Variants in ZNF606 observed in about 807,000 individuals in gnomAD.
ZNF606 encodes zinc finger protein 606, also known as zinc finger protein 328.
In ZNF606, 37 loss-of-function variants were observed where a neutral mutation model predicts 74.9. The observed-to-expected ratio is 0.49, with a 90% CI of 0.38 to 0.65. The LOEUF (loss-of-function observed/expected upper bound fraction) is 0.65, where lower values mean the gene tolerates loss of function less well. ZNF606 is among the 30% of genes least tolerant of loss of function. The probability of loss-of-function intolerance (pLI) is 0.00; values close to 1 mark genes in which losing one functional copy is unlikely to be tolerated. For synonymous variants in ZNF606, 328 were observed against 312.4 expected (o/e 1.05, Z -0.53); for missense variants, 852 against 952.9 (o/e 0.89, Z 1.39).
intron 4 of ZNF606, among the ~76,000 whole-genome samples, chr19:57,992,385 C>G (rs182614234): frequency 1.0e-3 from 155 of 152,272 alleles, no homozygotes; most frequent in African/African-American, 3.6e-3. Context: ...ATCAAAAATA[C>G]CAAATGAATC....
chr19:57,984,531 G>A lies in ZNF606; in HGVS notation c.400+3676C>T, dbSNP rs545203068. Among the ~76,000 whole-genome samples, 6 of 152,356 alleles carry A rather than the reference G, an allele frequency of 3.9e-5. 1 individual carries two copies. In the South Asian group the frequency reaches 1.0e-3, roughly 26 times the overall value. Reference sequence around the variant, plus strand: ...CAACTTCAGGACTCAAGAAGAGGCTGTGGCACATTGCCAAAAATAATAAGA... The same window carrying A: ...CAACTTCAGGACTCAAGAAGAGGCTATGGCACATTGCCAAAAATAATAAGA... On this transcript the variant is annotated intron_variant, in intron 6 of 6. Transcript: ENST00000551380.
intron 2 of ZNF606, 133 bp from the exon 3 acceptor site, chr19:58,000,872 A>G (rs1216702499): frequency 1.3e-6 from 1 of 780,218 alleles, no homozygotes; most frequent in African/African-American, 1.7e-5. Context: ...TGTAAAAAAA[A>G]TGCAACATAA....
Position 57,978,156 on chromosome 19 carries a change from T to C in ZNF606, c.*145A>G, listed in dbSNP as rs1325725729. Reference sequence around the variant, plus strand: ...TTCCCTATTCTTTTCCTTCATGGGGTTTCTTCTAAGATGATATTTTCTAGT... The same window carrying C: ...TTCCCTATTCTTTTCCTTCATGGGGCTTCTTCTAAGATGATATTTTCTAGT... On this transcript the variant is annotated 3_prime_UTR_variant, in exon 7 of 7. Coordinates refer to ENST00000551380, the MANE Select transcript of ZNF606 (RefSeq NM_001348022.3). The surrounding 1 kb of genome is among the most constrained non-coding windows in gnomAD (Gnocchi z 4.4). The C allele has an allele frequency of 1.2e-6, 1 of 801,506 alleles. No individual in the cohort carries two copies. The highest frequency in any genetic ancestry group is 1.8e-6 in the Non-Finnish European group (1 of 544,972). The allele number at this position is 801,506 out of a possible 1,614,324, so 49.6% of individuals were successfully genotyped here.
Position 57,979,792 on chromosome 19 carries a change from T to C in ZNF606, c.888A>G (p.Lys296=). The C allele has an allele frequency of 2.5e-6, 4 of 1,613,444 alleles. No homozygotes were observed. Among genetic ancestry groups the C allele is most frequent in the Non-Finnish European group, 3.4e-6 (4 of 1,180,004 alleles). The change falls in exon 7 of 7, where the codon AAA becomes AAG. Residue 296 remains lysine (K), a synonymous_variant. Transcript: ENST00000551380. ...CAAAATGTATTATATGATTGAAAGA[T>C]TTAACAGCATCAGTACATTTGAAAA... is the stretch of plus-strand genomic sequence containing the variant. The part of the protein sequence containing the change: ...DNLFKCTDAV[K]SFNHIIHFGD...
In ZNF606 at chr19:57,978,538, C is replaced by T; in HGVS notation, c.2142G>A (p.Gly714=). 1 of 1,614,082 alleles carries T rather than the reference C, an allele frequency of 6.2e-7. No individual in the cohort carries two copies. The highest frequency in any genetic ancestry group is 2.2e-5 in the East Asian group (1 of 44,874). The change falls in exon 7 of 7, where the codon GGG becomes GGA. Residue 714 remains glycine, a synonymous_variant. Transcript: ENST00000551380. The surrounding 1 kb of genome is among the most constrained non-coding windows in gnomAD (Gnocchi z 4.4). ...GGGATGAACTCTCATTAAATGCTTT[C>T]CCACATTCATTACACCTGTATGGTT... ...GEKPYRCNEC[G]KAFNESSSLI...
rs61690352 is a variant in ZNF606, at chr19:57,979,327, A to T, written c.1353T>A (p.Thr451=). The T allele has an allele frequency of 4.5e-3, 7,212 of 1,613,688 alleles. 275 individuals carry two copies. The African/African-American group carries it at 0.085, about 19-fold the overall frequency. ...TATTACATTCATAGGGTTTTATTCC[A>T]GTGTGAGTCCGTTCATGTTTCGTAA... is the stretch of plus-strand genomic sequence containing the variant. The part of the protein sequence containing the change: ...SALTKHERTH[T]GIKPYECNKC... Residue 451 remains threonine (T), a synonymous_variant, in exon 7 of 7, where the codon ACT becomes ACA. Coordinates refer to ENST00000551380, the MANE Select transcript of ZNF606 (RefSeq NM_001348022.3).
chr19:57,984,162 G>A (rs755368948), intron 6 of ZNF606, among the ~76,000 whole-genome samples: 4 of 152,208 alleles, frequency 2.6e-5, no homozygotes, highest in African/African-American at 7.2e-5. Context: ...AGAGGAAAGA[G>A]CTCGAAGTCA....
chr19:58,002,090 G>A (rs1018312434), intron 1 of ZNF606: 5 of 440,090 alleles, frequency 1.1e-5, no homozygotes, highest in African/African-American at 1.0e-4. Context: ...AGGAGCACCG[G>A]AATCAGCGCG....
chr19:58,002,161 C>T (rs976081409), intron 1 of ZNF606: 1 of 456,706 alleles, frequency 2.2e-6, no homozygotes, highest in Non-Finnish European at 4.4e-6. Flanking sequence ...TGACCGCCGC[C>T]GTCACTGCAT....
chr19:57,978,391 G>C lies in ZNF606; in HGVS notation c.2289C>G (p.Arg763=), dbSNP rs1434672295. The C allele has an allele frequency of 6.2e-7, 1 of 1,613,256 alleles. No homozygotes were observed. The highest frequency in any genetic ancestry group is 8.5e-7 in the Non-Finnish European group (1 of 1,179,382). Residue 763 remains arginine, a synonymous_variant, in exon 7 of 7, where the codon CGC becomes CGG. Transcript: ENST00000551380. This position sits in a 1 kb window ranked among gnomAD's most constrained non-coding sequence, Gnocchi z 4.4. ...IHQRMHSGEK[R]FICSECGKAF... ...CTTTTCCACATTCACTGCATATAAA[G>C]CGTTTCTCTCCACTATGCATTCTCT...
chr19:58,000,498 C>A, intron 3 of ZNF606, 185 bp downstream of exon 3: 1 of 696,092 alleles, frequency 1.4e-6, no homozygotes, highest in East Asian at 2.7e-5. Context: ...GTGCTGTAGG[C>A]GTGAGTCACC....
chr19:57,994,317 T>C (rs1038232659), intron 4 of ZNF606, among the ~76,000 whole-genome samples: 1 of 151,186 alleles, frequency 6.6e-6, no homozygotes, highest in Non-Finnish European at 1.5e-5. Context: ...CACGGCAATT[T>C]GTTCAGGAGG....
chr19:57,991,780 A>AAAATAAATAAATAAATAAATAAAT (rs80231379), intron 4 of ZNF606, among the ~76,000 whole-genome samples: 1 of 148,596 alleles, frequency 6.7e-6, no homozygotes, highest in Non-Finnish European at 1.5e-5. Context: ...ACTCTGTCTC[A>AAAATAAATAAATAAATAAATAAAT]AAATAAATAA....
intron 6 of ZNF606, among the ~76,000 whole-genome samples, chr19:57,981,332 C>T (rs1407249430): frequency 2.0e-5 from 3 of 152,094 alleles, no homozygotes; most frequent in Admixed American, 6.6e-5. Context: ...CTGTAATACA[C>T]CATAATCCTG....
rs762523071 is a variant in ZNF606 at position 57,980,008 on chromosome 19, G to C, written c.672C>G (p.Asn224Lys). 3.1e-6 allele frequency: 5 copies of C among 1,613,710 alleles called. No individual in the cohort carries two copies. The East Asian group carries it at 1.1e-4, about 36-fold the overall frequency. ...GAGAAACTCTCTGAGATGGAACAAAGTTTAAGTTCTGGCTAAACTCTGCCC... is the reference window on the plus strand; with the variant it reads ...GAGAAACTCTCTGAGATGGAACAAACTTTAAGTTCTGGCTAAACTCTGCCC... ...GLGAEFSQNL[N>K]FVPSQRVSQI... is the part of the protein sequence containing the mutation. The change falls in exon 7 of 7, where the codon AAC becomes AAG. Residue 224 changes from asparagine (N) to lysine (K), a missense_variant. Around this residue, in one of 3 missense-constraint regions of ZNF606, gnomAD observed 545 missense variants for 542.5 expected, o/e 1.00. Coordinates refer to ENST00000551380, the MANE Select transcript of ZNF606 (RefSeq NM_001348022.3).
At position 57,978,587 on chromosome 19, in the gene ZNF606, T is replaced by C; in HGVS notation, c.2093A>G (p.His698Arg). Residue 698 changes from histidine (H) to arginine (R), a missense_variant, in exon 7 of 7, where the codon CAC becomes CGC. Physicochemically the swap from His to Arg is conservative, Grantham distance 29. Coordinates refer to ENST00000551380, the MANE Select transcript of ZNF606 (RefSeq NM_001348022.3). This position sits in a 1 kb window ranked among gnomAD's most constrained non-coding sequence, Gnocchi z 4.4. ...TTTCTCTCCAGTATGAGTTCTCCGG[T>C]GTGCAATGAGGTGAGAACTACAGTT... ...SFNCSSHLIA[H>R]RRTHTGEKPY... 2 of 1,614,140 alleles carry C rather than the reference T, an allele frequency of 1.2e-6. No individual in the cohort carries two copies. The highest frequency in any genetic ancestry group is 2.2e-5 in the South Asian group (2 of 91,072).
chr19:57,994,201 G>T (rs2073302220), intron 4 of ZNF606, among the ~76,000 whole-genome samples: 1 of 152,086 alleles, frequency 6.6e-6, no homozygotes, highest in Non-Finnish European at 1.5e-5. Context: ...AGAAGACACA[G>T]CAACTAGTTC....
intron 4 of ZNF606, among the ~76,000 whole-genome samples, chr19:57,994,404 C>T (rs1388814692): frequency 1.3e-5 from 2 of 152,138 alleles, no homozygotes; most frequent in African/African-American, 2.4e-5. Context: ...TTTTAAATAA[C>T]ACAAGACTTC....
chr19:57,988,802 TG>T (rs1355406642), intron 4 of ZNF606, 81 bp from the exon 5 acceptor site: 2 of 1,600,572 alleles, frequency 1.2e-6, no homozygotes, highest in African/African-American at 2.7e-5. Context: ...CTGACAGCCC[TG>T]GGGAGAGAAG....
Sources: gnomAD v4.1 joint callset for allele counts (sites outside exome capture counted in the v4.1 genomes callset) on GRCh38, gnomAD v4.1.1 for gene constraint, gnomAD v4.1.1 regional missense constraint, Gnocchi (gnomAD v3.1) non-coding constraint, MANE v1.5 for transcripts, NCBI Gene and HGNC (gene_info 2026-07-23, HGNC 2026-07-21) for gene names.